BICD1: variants seen among roughly 807,000 people sequenced by gnomAD.
BICD1 encodes the protein BICD cargo adaptor 1, also known as protein bicaudal D homolog 1.
A neutral mutation model predicts 92.5 loss-of-function variants in BICD1; 35 were observed. The observed-to-expected ratio is 0.38, with a 90% CI of 0.29 to 0.50. The LOEUF (loss-of-function observed/expected upper bound fraction) is 0.50, where lower values mean the gene tolerates loss of function less well. Among genes scored for constraint, BICD1 ranks in the 20% least tolerant of loss-of-function variants. The pLI is 0.93. For synonymous variants in BICD1, 429 were observed against 465.1 expected, an observed-to-expected ratio of 0.92 and a Z score of 1.00; for missense variants, 950 against 1,189.8, an observed-to-expected ratio of 0.80 and a Z score of 2.97.
At chr12:32,361,015 G>A (rs2136320914) in intron 8 of BICD1, among the ~76,000 whole-genome samples, 1 of 152,292 alleles carries the variant, frequency 6.6e-6, no homozygotes, top group Non-Finnish European at 1.5e-5. Context: ...AGCACTACCT[G>A]TAAACAAAGC....
intron 2 of BICD1, among the ~76,000 whole-genome samples, chr12:32,226,210 C>T (rs1945685647): frequency 6.6e-6 from 1 of 152,222 alleles, no homozygotes; most frequent in East Asian, 1.9e-4. Context: ...TCTCGGCTCA[C>T]TGCAGCCTCC....
At chr12:32,315,913 A>T (rs1298373967) in intron 4 of BICD1, among the ~76,000 whole-genome samples, 3 of 152,008 alleles carry the variant, frequency 2.0e-5, no homozygotes, top group African/African-American at 7.2e-5. Context: ...AGATGCGTGG[A>T]TCATCTGAGG....
chr12:32,234,796 T>A (rs34649333), intron 2 of BICD1, among the ~76,000 whole-genome samples: 11,537 of 150,274 alleles, frequency 0.077, 711 homozygotes, highest in East Asian at 0.31. Context: ...GCAATCCTCC[T>A]GCCTCAGCTT....
intron 8 of BICD1, among the ~76,000 whole-genome samples, chr12:32,346,546 A>G (rs1440152173): frequency 4.4e-5 from 1 of 22,688 alleles, no homozygotes; most frequent in Non-Finnish European, 6.6e-5. Flanking sequence ...GTATATATAT[A>G]TATATATATA....
At chr12:32,187,874 T>TTTG (rs971203248) in intron 1 of BICD1, among the ~76,000 whole-genome samples, 4 of 152,034 alleles carry the variant, frequency 2.6e-5, no homozygotes, top group African/African-American at 4.8e-5. Flanking sequence ...GAATCTAAAT[T>TTTG]TTGTTGTTGT....
intron 2 of BICD1, among the ~76,000 whole-genome samples, chr12:32,247,419 A>G (rs550495374): frequency 1.3e-5 from 2 of 152,232 alleles, no homozygotes; most frequent in African/African-American, 4.8e-5. Context: ...ACGAGAATAC[A>G]TCTGAAGATC....
At chr12:32,322,662 GAC>G (rs1221409482) in intron 4 of BICD1, among the ~76,000 whole-genome samples, 1 of 152,194 alleles carries the variant, frequency 6.6e-6, no homozygotes, top group African/African-American at 2.4e-5. Context: ...ACATGCAAGA[GAC>G]AGTGTTCTAT....
intron 1 of BICD1, among the ~76,000 whole-genome samples, chr12:32,209,625 GAC>G (rs1945155767): frequency 6.6e-6 from 1 of 152,202 alleles, no homozygotes; most frequent in Non-Finnish European, 1.5e-5. Context: ...CTTTAGAAGA[GAC>G]TGTAAAGAAC....
intron 2 of BICD1, among the ~76,000 whole-genome samples, chr12:32,290,125 A>G (rs1418937745): frequency 8.4e-6 from 1 of 118,408 alleles, no homozygotes. Flanking sequence ...GCCTAGAAGC[A>G]TTCTGAATAA....
At chr12:32,120,071 T>A (rs1486668356) in intron 1 of BICD1, among the ~76,000 whole-genome samples, 1 of 152,244 alleles carries the variant, frequency 6.6e-6, no homozygotes, top group East Asian at 1.9e-4. Flanking sequence ...TATTCTTGAG[T>A]ACTGTTTAAA....
chr12:32,140,869 T>A (rs562087146), intron 1 of BICD1, among the ~76,000 whole-genome samples: 1 of 152,258 alleles, frequency 6.6e-6, no homozygotes, highest in South Asian at 2.1e-4. Flanking sequence ...ATCAACAACA[T>A]GTTATACACC....
At chr12:32,225,230 A>T (rs1945643978) in intron 2 of BICD1, among the ~76,000 whole-genome samples, 1 of 152,138 alleles carries the variant, frequency 6.6e-6, no homozygotes, top group African/African-American at 2.4e-5. Flanking sequence ...ACCTTTTGAG[A>T]TTGGGTCCTT....
chr12:32,230,211 G>T (rs1031056219), intron 2 of BICD1, among the ~76,000 whole-genome samples: 31 of 151,920 alleles, frequency 2.0e-4, no homozygotes, highest in African/African-American at 7.5e-4. Flanking sequence ...GGGAGTGAGT[G>T]CCTGCCATAG....
At chr12:32,248,908 G>A (rs974596130) in intron 2 of BICD1, among the ~76,000 whole-genome samples, 2 of 152,208 alleles carry the variant, frequency 1.3e-5, no homozygotes, top group African/African-American at 4.8e-5. Flanking sequence ...CAGTGCGCAT[G>A]TGGGCCCTTA....
intron 1 of BICD1, among the ~76,000 whole-genome samples, chr12:32,162,131 G>T (rs1199350567): frequency 1.3e-5 from 2 of 152,116 alleles, no homozygotes; most frequent in African/African-American, 4.8e-5. Context: ...GCCATCCCTC[G>T]GTCTCACATC....
chr12:32,138,389 ATTTTTAGT>A (rs1942801657), intron 1 of BICD1, among the ~76,000 whole-genome samples: 1 of 152,184 alleles, frequency 6.6e-6, no homozygotes, highest in African/African-American at 2.4e-5. Context: ...CAAGCTGTGC[ATTTTTAGT>A]TTATAGAGTT....
chr12:32,139,482 C>T (rs993573925), intron 1 of BICD1, among the ~76,000 whole-genome samples: 1 of 152,208 alleles, frequency 6.6e-6, no homozygotes, highest in African/African-American at 2.4e-5. Context: ...ATCCCTTACA[C>T]GTCGCTCAGT....
chr12:32,210,881 A>G, intron 1 of BICD1, among the ~76,000 whole-genome samples: 1 of 152,198 alleles, frequency 6.6e-6, no homozygotes, highest in East Asian at 1.9e-4. Context: ...AACCTTGAAA[A>G]ACATTGTTTC....
At chr12:32,258,508 G>T (rs12231813) in intron 2 of BICD1, among the ~76,000 whole-genome samples, 1 of 152,008 alleles carries the variant, frequency 6.6e-6, no homozygotes, top group Non-Finnish European at 1.5e-5. Context: ...AAGAGATAAA[G>T]AGAAGACAGC....
Sources: gnomAD v4.1 joint callset for allele counts (sites outside exome capture counted in the v4.1 genomes callset) on GRCh38, gnomAD v4.1.1 for gene constraint, MANE v1.5 for transcripts, NCBI Gene and HGNC (gene_info 2026-07-23, HGNC 2026-07-21) for gene names.